The following ASXL2 variants were observed in gnomAD, a reference collection of about 807,000 sequenced individuals.
ASXL2 encodes the protein ASXL transcriptional regulator 2.
A neutral mutation model predicts 122.0 loss-of-function variants in ASXL2; 23 were observed. That is an observed-to-expected ratio of 0.19 (90% confidence interval 0.14 to 0.27). The LOEUF (loss-of-function observed/expected upper bound fraction) is 0.27. Among genes scored for constraint, ASXL2 ranks in the 10% least tolerant of loss-of-function variants. ASXL2 has a pLI of 1.00. For synonymous variants in ASXL2, 650 were observed against 637.0 expected (o/e 1.02, Z -0.31); for missense variants, 1,518 against 1,713.8 (o/e 0.89, Z 2.02).
At chr2:25,871,741 G>A (rs138943984) in intron 1 of ASXL2, among the ~76,000 whole-genome samples, 134 of 152,234 alleles carry the variant, frequency 8.8e-4, no homozygotes, top group African/African-American at 1.9e-3. Flanking sequence ...ACAGGCATGC[G>A]CCACCCACAC....
At chr2:25,772,722 T>G in intron 5 of ASXL2, among the ~76,000 whole-genome samples, 1 of 77,412 alleles carries the variant, frequency 1.3e-5, no homozygotes, top group African/African-American at 5.5e-5. Context: ...AGAGCGAAAC[T>G]TGGTCTCAAA....
intron 1 of ASXL2, among the ~76,000 whole-genome samples, chr2:25,862,872 C>G (rs1037836763): frequency 6.6e-6 from 1 of 152,072 alleles, no homozygotes. Context: ...TCCCAAAGTG[C>G]TGGGATTACA....
chr2:25,851,678 C>T lies in ASXL2; in HGVS notation c.58-6115G>A, dbSNP rs74261335. ...TTCACATAAGAAAAAGTGCATGGGC[C>T]GGGCTCAGTCATGACCAGCCTGGCC... On this transcript the variant is annotated intron_variant, in intron 1 of 12. Transcript: ENST00000435504. Among the ~76,000 whole-genome samples the T allele has an allele frequency of 0.08, 12,208 of 152,138 alleles. 2,806 individuals are homozygous for T. In the East Asian group the frequency reaches 0.84, roughly 10 times the overall value.
chr2:25,761,883 A>G (rs2088256730), intron 8 of ASXL2, among the ~76,000 whole-genome samples: 1 of 152,116 alleles, frequency 6.6e-6, no homozygotes, highest in Non-Finnish European at 1.5e-5. Flanking sequence ...ACCTGATATA[A>G]ATACAGTTCT....
intron 3 of ASXL2, among the ~76,000 whole-genome samples, chr2:25,831,097 ATCACTTGAGG>A (rs1280561277): frequency 6.6e-6 from 1 of 152,114 alleles, no homozygotes; most frequent in Non-Finnish European, 1.5e-5. Flanking sequence ...AGGTGGGTGA[ATCACTTGAGG>A]TCAGGAGTTC....
Position 25,860,937 on chromosome 2 carries a change from A to G in ASXL2, c.58-15374T>C, listed in dbSNP as rs559384473. Among the ~76,000 whole-genome samples, 141 of 146,546 alleles carry G rather than the reference A, an allele frequency of 9.6e-4. 1 individual carries two copies. Among genetic ancestry groups the G allele is most frequent in the African/African-American group, 3.5e-3 (137 of 39,544 alleles). ...TGAGGTGGGAGGATTGCTTGAGCCCAGGAGGCAGAGGTTGCAGTGAGCTGA... is the reference window on the plus strand; with the variant it reads ...TGAGGTGGGAGGATTGCTTGAGCCCGGGAGGCAGAGGTTGCAGTGAGCTGA... On this transcript the variant is annotated intron_variant, in intron 1 of 12. Transcript: ENST00000435504.
rs564330767 is a variant in ASXL2 at position 25,741,551 on chromosome 2, G to A, written c.*478C>T. On this transcript the variant is annotated 3_prime_UTR_variant, in exon 13 of 13. Coordinates refer to ENST00000435504, the MANE Select transcript of ASXL2 (RefSeq NM_018263.6). ...GCTGAATAATCTATGAATAACCTGC[G>A]GCCAGACTGTCCAGACAAAATCAGT... 30 of 232,148 alleles carry A rather than the reference G, an allele frequency of 1.3e-4. No homozygotes were observed. Among genetic ancestry groups the A allele is most frequent in the African/African-American group, 6.6e-4 (30 of 45,162 alleles). 14.4% of individuals were successfully genotyped at this position (232,148 alleles called of 1,614,324 possible). A position where few individuals can be genotyped will look rare whatever the true frequency, so the allele number is the denominator to read the frequency against.
chr2:25,850,686 T>G (rs1374857133), intron 1 of ASXL2, among the ~76,000 whole-genome samples: 1 of 152,226 alleles, frequency 6.6e-6, no homozygotes, highest in African/African-American at 2.4e-5. Flanking sequence ...AGCATTTCAA[T>G]CTAATTGTTT....
In ASXL2 at chr2:25,750,895, A is replaced by G. The variant is rs181161701; in HGVS notation, c.1143-482T>C. Among the ~76,000 whole-genome samples, 365 of 152,286 alleles carry G rather than the reference A, an allele frequency of 2.4e-3. 2 individuals carry two copies. Among genetic ancestry groups the G allele is most frequent in the African/African-American group, 8.4e-3 (348 of 41,540 alleles). ...ATTGTGGTCAACTCTTCTCTGCAAT[A>G]TCTGTGCAAACCCAGGCCCAAAAAA... is the stretch of plus-strand genomic sequence containing the variant. On this transcript the variant is annotated intron_variant, in intron 11 of 12. Coordinates refer to ENST00000435504, the MANE Select transcript of ASXL2 (RefSeq NM_018263.6).
At chr2:25,773,359 A>G (rs2088487870) in intron 5 of ASXL2, among the ~76,000 whole-genome samples, 1 of 151,984 alleles carries the variant, frequency 6.6e-6, no homozygotes, top group South Asian at 2.1e-4. Context: ...AAGACAGTTC[A>G]GCTGCAAAAA....
At chr2:25,753,870 G>C (rs189817678) in intron 10 of ASXL2, among the ~76,000 whole-genome samples, 5 of 152,144 alleles carry the variant, frequency 3.3e-5, no homozygotes, top group African/African-American at 9.7e-5. Context: ...GGCTGACAAA[G>C]CCTTTTCGCT....
intron 1 of ASXL2, among the ~76,000 whole-genome samples, chr2:25,868,759 T>C (rs571514639): frequency 4.4e-4 from 67 of 152,320 alleles, no homozygotes; most frequent in African/African-American, 1.5e-3. Context: ...CTGGCAGCAA[T>C]GGCTCACACC....
At chr2:25,747,547 T>A (rs1440582510) in intron 12 of ASXL2, among the ~76,000 whole-genome samples, 1 of 152,144 alleles carries the variant, frequency 6.6e-6, no homozygotes, top group African/African-American at 2.4e-5. Context: ...ATTAACTTGG[T>A]CACAGTGGAT....
At chr2:25,820,416 A>G (rs1372734235) in intron 3 of ASXL2, among the ~76,000 whole-genome samples, 2 of 152,224 alleles carry the variant, frequency 1.3e-5, no homozygotes, top group Non-Finnish European at 2.9e-5. Flanking sequence ...TTTTTAAAAA[A>G]GTAAGTATAT....
chr2:25,847,766 C>T (rs927376843), intron 1 of ASXL2, among the ~76,000 whole-genome samples: 4 of 152,062 alleles, frequency 2.6e-5, no homozygotes, highest in African/African-American at 7.2e-5. Context: ...GAAGTACTTA[C>T]GGATGAAATC....
intron 1 of ASXL2, among the ~76,000 whole-genome samples, chr2:25,873,360 G>C (rs1039727396): frequency 6.6e-6 from 1 of 152,048 alleles, no homozygotes; most frequent in African/African-American, 2.4e-5. Flanking sequence ...GCAGTGAGCC[G>C]AGATTGCACC....
chr2:25,753,573 G>T lies in ASXL2; in HGVS notation c.1103C>A (p.Pro368Gln). 2 of 1,613,626 alleles carry T rather than the reference G, an allele frequency of 1.2e-6. No individual in the cohort carries two copies. Among genetic ancestry groups the T allele is most frequent in the Non-Finnish European group, 1.7e-6 (2 of 1,179,780 alleles). Reference sequence around the variant, plus strand: ...GCTTTCAAAGAATTGTTCTTTCCATGGCTCCACTTTTTTCTCCTTCTCAAT... The same window carrying T: ...GCTTTCAAAGAATTGTTCTTTCCATTGCTCCACTTTTTTCTCCTTCTCAAT... ...QEIEKEKKVE[P>Q]WKEQFFESYY... Residue 368 changes from proline to glutamine, a missense_variant, in exon 11 of 13, where the codon CCA (proline) becomes CAA (glutamine). Coordinates refer to ENST00000435504, the MANE Select transcript of ASXL2 (RefSeq NM_018263.6).
In ASXL2 at chr2:25,740,543, T is replaced by C. The variant is rs1306704622; in HGVS notation, c.*1486A>G. ...CATTTAATACAAAATTCTGTTAAAC[T>C]GCAGGTTTATTTTAATGTTCCTTAA... is the stretch of plus-strand genomic sequence containing the variant. On this transcript the variant is annotated 3_prime_UTR_variant, in exon 13 of 13. Transcript: ENST00000435504. 1 of 229,604 alleles carries C rather than the reference T, an allele frequency of 4.4e-6. No individual in the cohort carries two copies. Among genetic ancestry groups the C allele is most frequent in the Non-Finnish European group, 8.6e-6 (1 of 115,968 alleles). 14.2% of individuals were successfully genotyped at this position (229,604 alleles called of 1,614,324 possible).
rs1221896885 is a variant in ASXL2 at position 25,735,459 on chromosome 2, G to C, written c.*6570C>G. The C allele has an allele frequency of 1.3e-5, 2 of 152,158 alleles. No homozygotes were observed. 9.4% of individuals were successfully genotyped at this position (152,158 alleles called of 1,614,324 possible). On this transcript the variant is annotated 3_prime_UTR_variant, in exon 13 of 13. Coordinates refer to ENST00000435504, the MANE Select transcript of ASXL2 (RefSeq NM_018263.6). ...GAAAAGCCACTTCTACATTAGAATA[G>C]AAAAGGACACAAAAGTAATTTTATC...
Sources: allele counts gnomAD v4.1 joint callset (sites outside exome capture counted in the v4.1 genomes callset), GRCh38; gene constraint gnomAD v4.1.1; transcripts MANE v1.5; gene names NCBI Gene and HGNC (gene_info 2026-07-23, HGNC 2026-07-21).